The following ETHE1 variants were observed in gnomAD, a reference collection of about 807,000 sequenced individuals.
ETHE1 encodes the protein persulfide dioxygenase ETHE1, mitochondrial.
Under a neutral mutation model 25.7 loss-of-function variants are expected in ETHE1, and 16 were observed. That is an observed-to-expected ratio of 0.62 (90% CI 0.42 to 0.95). The LOEUF is 0.95. Ranked by LOEUF, ETHE1 falls within the 40% of genes least tolerant of loss-of-function variation. The pLI is 0.00. For missense variants in ETHE1, 300 were observed against 333.6 expected (o/e 0.90, Z 0.79); for synonymous variants, 139 against 135.9 (o/e 1.02, Z -0.16).
intron 3 of ETHE1, among the ~76,000 whole-genome samples, chr19:43,522,089 T>C (rs1972148461): frequency 6.6e-6 from 1 of 152,074 alleles, no homozygotes; most frequent in South Asian, 2.1e-4. Flanking sequence ...GCCTGTAAGC[T>C]AAGAATCATT....
At chr19:43,507,360 T>C (rs1599980065) in intron 6 of ETHE1, among the ~76,000 whole-genome samples, 2 of 52,468 alleles carry the variant, frequency 3.8e-5, no homozygotes, top group Admixed American at 2.5e-4. Context: ...CCCCAGTCCC[T>C]CCTCCCTCAG....
chr19:43,511,367 AC>A, intron 4 of ETHE1, 69 bp downstream of exon 4: 1 of 1,609,070 alleles, frequency 6.2e-7, no homozygotes, highest in Non-Finnish European at 8.5e-7. Context: ...CATTCTTGTA[AC>A]AGATACTTCA....
At chr19:43,525,922 A>G (rs1972233818) in intron 3 of ETHE1, 1 of 514,556 alleles carries the variant, frequency 1.9e-6, no homozygotes, top group Non-Finnish European at 3.5e-6. Flanking sequence ...GATGCATGCC[A>G]GGCCAAAGGG....
chr19:43,521,913 G>A (rs1249479187), intron 3 of ETHE1, among the ~76,000 whole-genome samples: 5 of 152,084 alleles, frequency 3.3e-5, no homozygotes, highest in African/African-American at 4.8e-5. Flanking sequence ...TGAATAATCA[G>A]AAGGAAAATA....
intron 3 of ETHE1, among the ~76,000 whole-genome samples, chr19:43,524,530 A>G (rs569277614): frequency 3.9e-4 from 60 of 152,268 alleles, no homozygotes; most frequent in African/African-American, 1.4e-3. Context: ...ACAACTCTGA[A>G]TATACTAAAA....
intron 1 of ETHE1, 105 bp downstream of exon 1, chr19:43,526,992 C>A: frequency 6.5e-7 from 1 of 1,533,872 alleles, no homozygotes; most frequent in Non-Finnish European, 8.7e-7. Flanking sequence ...CCGCAAGATG[C>A]AGGCGTGGGT....
At chr19:43,510,523 C>T (rs1025031809) in intron 4 of ETHE1, among the ~76,000 whole-genome samples, 8 of 151,720 alleles carry the variant, frequency 5.3e-5, no homozygotes, top group African/African-American at 1.2e-4. Flanking sequence ...TTAGTAGAGA[C>T]GGGGTTTCAC....
Position 43,527,099 on chromosome 19 carries a change from G to T in ETHE1, c.79C>A (p.Gln27Lys), listed in dbSNP as rs749803238. The change falls in exon 1 of 7, where the codon CAG becomes AAG. Residue 27 changes from glutamine (Q) to lysine (K), a missense_variant and splice_region_variant. Coordinates refer to ENST00000292147, the MANE Select transcript of ETHE1 (RefSeq NM_014297.5). ...GGSGAPILLR[Q>K]MFEPVSCTFT... ...CTCCTAGGTCCAGCCACCCGCACCT[G>T]CCGCAGGAGGATGGGGGCTCCAGAC... The T allele has an allele frequency of 2.6e-6, 4 of 1,555,300 alleles. No individual in the cohort carries two copies. The highest frequency in any genetic ancestry group is 3.5e-6 in the Non-Finnish European group (4 of 1,152,970).
At chr19:43,521,553 G>A (rs1281437892) in intron 3 of ETHE1, among the ~76,000 whole-genome samples, 3 of 151,668 alleles carry the variant, frequency 2.0e-5, no homozygotes, top group Admixed American at 6.6e-5. Context: ...AAGGTGCTGT[G>A]ATAAACCCTG....
At chr19:43,508,197 T>C in intron 5 of ETHE1, 137 bp from the exon 6 acceptor site, 1 of 1,383,150 alleles carries the variant, frequency 7.2e-7, no homozygotes, top group Non-Finnish European at 9.8e-7. Flanking sequence ...CTTTCCCTCC[T>C]CCATGGACAC....
chr19:43,516,794 T>G (rs1359603174), intron 3 of ETHE1, among the ~76,000 whole-genome samples: 2 of 151,670 alleles, frequency 1.3e-5, no homozygotes, highest in African/African-American at 4.8e-5. Flanking sequence ...TCTAGCTAAT[T>G]TTTGTACTGT....
At chr19:43,511,367 A>T in intron 4 of ETHE1, 70 bp downstream of exon 4, 1 of 1,609,070 alleles carries the variant, frequency 6.2e-7, no homozygotes, top group Non-Finnish European at 8.5e-7. Flanking sequence ...CATTCTTGTA[A>T]CAGATACTTC....
chr19:43,509,948 C>T (rs1329134870), intron 4 of ETHE1, among the ~76,000 whole-genome samples: 2 of 152,186 alleles, frequency 1.3e-5, no homozygotes, highest in Non-Finnish European at 2.9e-5. Flanking sequence ...AATCCTTCAG[C>T]TTCCTGACTG....
chr19:43,521,682 AAAG>A lies in ETHE1; in HGVS notation c.375+4516_375+4518del, dbSNP rs1453668985. 3.3e-3 allele frequency among the ~76,000 whole-genome samples: 352 copies of A among 105,410 alleles called. 2 individuals are homozygous for A. Among genetic ancestry groups the A allele is most frequent in the African/African-American group, 0.011 (312 of 29,078 alleles). The allele number at this position is 105,410 out of a possible 152,430, so 69.2% of individuals were successfully genotyped here. A position where few individuals can be genotyped will look rare whatever the true frequency, so the allele number is the denominator to read the frequency against. On this transcript the variant is annotated intron_variant, in intron 3 of 6. Transcript: ENST00000292147. ...GAGACTCTGTCTCTAAAAAAAAAAA[AAAG>A]AAAGAAAGAAAACTCATTCTACAAT... is the stretch of plus-strand genomic sequence containing the variant.
chr19:43,524,929 G>T (rs953940317), intron 3 of ETHE1, among the ~76,000 whole-genome samples: 1 of 151,832 alleles, frequency 6.6e-6, no homozygotes, highest in Non-Finnish European at 1.5e-5. Context: ...AGGATCACTT[G>T]TGCCCAGTAG....
In ETHE1 at chr19:43,511,458, C is replaced by A; in HGVS notation, c.484G>T (p.Gly162Trp). 1 of 1,614,208 alleles carries A rather than the reference C, an allele frequency of 6.2e-7. No individual in the cohort carries two copies. The highest frequency in any genetic ancestry group is 8.5e-7 in the Non-Finnish European group (1 of 1,180,030). Residue 162 changes from glycine to tryptophan, a missense_variant, in exon 4 of 7, where the codon GGG becomes TGG. By Grantham distance (184) the Gly-to-Trp change is radical (BLOSUM62 -2). Coordinates refer to ENST00000292147, the MANE Select transcript of ETHE1 (RefSeq NM_014297.5). ...TCACCTTGCTGGAAGTCTGTCCGCC[C>A]ACACCCACGGATCAACAGGGCATCT... is the stretch of plus-strand genomic sequence containing the variant. ...TGDALLIRGCGRTDFQQGCAK... is the reference protein window; with the variant it reads ...TGDALLIRGCWRTDFQQGCAK...
intron 3 of ETHE1, among the ~76,000 whole-genome samples, chr19:43,517,811 G>A (rs963877767): frequency 2.0e-5 from 3 of 151,514 alleles, no homozygotes; most frequent in African/African-American, 7.3e-5. Context: ...CATGCCAAGC[G>A]TGGTGGCACA....
At position 43,517,076 on chromosome 19, in the gene ETHE1, A is replaced by G. The variant is rs570340642; in HGVS notation, c.376-5510T>C. ...TGGCCTCAAGCAATCCTCCCATCTC[A>G]GCCTCTCAATGTGCTGGGATTACAG... On this transcript the variant is annotated intron_variant, in intron 3 of 6. Transcript: ENST00000292147. Among the ~76,000 whole-genome samples, 6 of 151,726 alleles carry G rather than the reference A, an allele frequency of 4.0e-5. No homozygotes were observed. The East Asian group carries it at 1.2e-3, about 30-fold the overall frequency.
intron 3 of ETHE1, among the ~76,000 whole-genome samples, chr19:43,513,119 G>T (rs1472306503): frequency 6.6e-6 from 1 of 152,202 alleles, no homozygotes; most frequent in Admixed American, 6.5e-5. Flanking sequence ...GGAGCCTCCA[G>T]CTAGATTTGA....
Sources: gnomAD v4.1 joint callset for allele counts (sites outside exome capture counted in the v4.1 genomes callset) on GRCh38, gnomAD v4.1.1 for gene constraint, MANE v1.5 for transcripts, NCBI Gene and HGNC (gene_info 2026-07-23, HGNC 2026-07-21) for gene names.